ZNF600: variants seen among roughly 807,000 people sequenced by gnomAD.
ZNF600 encodes the protein zinc finger protein KR-ZNF1.
ZNF600 carries 4 observed loss-of-function variants against 7.3 expected under a neutral mutation model. The ratio of observed to expected loss-of-function variants is 0.55; its 90% CI spans 0.27 to 1.25. ZNF600 has a LOEUF of 1.25. Among genes scored for constraint, ZNF600 ranks in the 50% most tolerant of loss-of-function variants. The pLI is 0.12. For synonymous variants in ZNF600, 290 were observed against 308.9 expected, an observed-to-expected ratio of 0.94 and a Z score of 0.64; for missense variants, 911 against 922.1, an observed-to-expected ratio of 0.99 and a Z score of 0.16.
chr19:52,810,942 C>A, the ZNF600 span, among the ~76,000 whole-genome samples: 1 of 129,302 alleles, frequency 7.7e-6, no homozygotes, highest in African/African-American at 2.9e-5. Context: ...GATGCCGAGC[C>A]AAAGCTGGAC....
At chr19:52,830,843 C>T in the ZNF600 span, among the ~76,000 whole-genome samples, 1 of 145,042 alleles carries the variant, frequency 6.9e-6, no homozygotes, top group South Asian at 2.3e-4. Flanking sequence ...AAGTAATGGG[C>T]ATGTAGGAGT....
the ZNF600 span, among the ~76,000 whole-genome samples, chr19:52,816,834 A>AAATAATAATAAT: frequency 6.2e-3 from 860 of 138,410 alleles, 6 homozygotes; most frequent in African/African-American, 0.017. Flanking sequence ...CCGTTTCAGA[A>AAATAATAATAAT]AATAATAATA....
chr19:52,808,001 C>G, the ZNF600 span: 1 of 1,613,070 alleles, frequency 6.2e-7, no homozygotes, highest in Non-Finnish European at 8.5e-7. Context: ...AGGAGGTTAT[C>G]CTCACCCAGG....
rs558712012 is a variant in ZNF600 at position 52,784,299 on chromosome 19, G to C, written c.-20+2296C>G. 4.6e-5 allele frequency among the ~76,000 whole-genome samples: 7 copies of C among 152,308 alleles called. No homozygotes were observed. In the East Asian group the frequency reaches 9.6e-4, roughly 21 times the overall value. On this transcript the variant is annotated intron_variant, in intron 1 of 3. Coordinates refer to ENST00000648973, the Ensembl canonical transcript of ZNF600. ...CTCACACCTGTGGTCTCAGCTACTA[G>C]AGAGACTGAGGGAGGAGGATCGCTT...
At chr19:52,831,392 C>A in the ZNF600 span, among the ~76,000 whole-genome samples, 1 of 151,572 alleles carries the variant, frequency 6.6e-6, no homozygotes, top group East Asian at 1.9e-4. Flanking sequence ...TCACTGCAAC[C>A]CCTGCCACCC....
At chr19:52,773,640 ATGGG>A (rs1194740290) in intron 3 of ZNF600, among the ~76,000 whole-genome samples, 4 of 152,134 alleles carry the variant, frequency 2.6e-5, no homozygotes, top group South Asian at 2.1e-4. Flanking sequence ...AGGAGGATGG[ATGGG>A]TGGATCACAA....
At chr19:52,828,037 A>AT in the ZNF600 span, among the ~76,000 whole-genome samples, 19 of 151,964 alleles carry the variant, frequency 1.3e-4, no homozygotes, top group African/African-American at 4.1e-4. Flanking sequence ...GCACTTTGTG[A>AT]TTTTTTTTAA....
the ZNF600 span, among the ~76,000 whole-genome samples, chr19:52,815,537 AT>A: frequency 6.9e-6 from 1 of 144,990 alleles, no homozygotes; most frequent in African/African-American, 2.7e-5. Context: ...AATAAAAAAA[AT>A]AACTGTCTGG....
chr19:52,828,443 G>A, the ZNF600 span, among the ~76,000 whole-genome samples: 1 of 152,034 alleles, frequency 6.6e-6, no homozygotes, highest in Admixed American at 6.6e-5. Context: ...CTCCAGCCTG[G>A]GTAACAGGGA....
At chr19:52,830,721 C>T in the ZNF600 span, among the ~76,000 whole-genome samples, 1 of 151,618 alleles carries the variant, frequency 6.6e-6, no homozygotes, top group African/African-American at 2.4e-5. Context: ...GAGGGGCTCA[C>T]GGGGAAATTG....
intron 2 of ZNF600, among the ~76,000 whole-genome samples, chr19:52,776,044 C>T (rs1851189488): frequency 2.1e-5 from 3 of 142,544 alleles, no homozygotes; most frequent in Non-Finnish European, 3.0e-5. Context: ...GTTATGATGA[C>T]AGCAATAGCC....
chr19:52,765,132 C>G (rs1260544543), exon 4 of ZNF600: 1 of 407,140 alleles, frequency 2.5e-6, no homozygotes, highest in African/African-American at 2.1e-5. Context: ...ACTCTAGTGT[C>G]AATTAATGCT....
intron 1 of ZNF600, among the ~76,000 whole-genome samples, chr19:52,779,969 C>T (rs1274468451): frequency 7.9e-5 from 12 of 152,144 alleles, no homozygotes; most frequent in African/African-American, 2.6e-4. Flanking sequence ...TGAGCCAAGA[C>T]TGTGCCACTG....
chr19:52,790,459 T>C (rs1191675733), upstream of ZNF600, among the ~76,000 whole-genome samples: 1 of 152,120 alleles, frequency 6.6e-6, no homozygotes, highest in Non-Finnish European at 1.5e-5. Flanking sequence ...ATCGCATCAC[T>C]GCACTTCAGC....
chr19:52,771,124 C>T lies in ZNF600; in HGVS notation c.191-3352G>A, dbSNP rs138455365. Among the ~76,000 whole-genome samples the T allele has an allele frequency of 4.9e-4, 75 of 152,172 alleles. No individual in the cohort carries two copies. The East Asian group carries it at 0.014, about 28-fold the overall frequency. On this transcript the variant is annotated intron_variant, in intron 3 of 3. Coordinates refer to ENST00000648973, the Ensembl canonical transcript of ZNF600. Reference sequence around the variant, plus strand: ...CTGGGATTACAGGTGTAAGCCACCACGACTGGCCAGGACTACTGTTTTTAT... The same window carrying T: ...CTGGGATTACAGGTGTAAGCCACCATGACTGGCCAGGACTACTGTTTTTAT...
chr19:52,789,764 G>A (rs995483949), upstream of ZNF600, among the ~76,000 whole-genome samples: 7 of 152,054 alleles, frequency 4.6e-5, no homozygotes, highest in East Asian at 1.9e-4. Flanking sequence ...AAATACGGCC[G>A]TACACTTTAA....
chr19:52,807,748 A>G, the ZNF600 span: 2 of 573,194 alleles, frequency 3.5e-6, no homozygotes, highest in Non-Finnish European at 5.7e-6. Context: ...GTGCTGGGAT[A>G]ACAGGCGTGA....
chr19:52,765,662 C>G (rs1205009289), exon 4 of ZNF600: 1 of 1,613,900 alleles, frequency 6.2e-7, no homozygotes, highest in South Asian at 1.1e-5. Context: ...CTTTGCCACA[C>G]TCATTACACT....
the ZNF600 span, among the ~76,000 whole-genome samples, chr19:52,815,002 T>A: frequency 6.9e-6 from 1 of 145,942 alleles, no homozygotes; most frequent in Non-Finnish European, 1.5e-5. Flanking sequence ...TAGATGTTAA[T>A]AACAAAGTGG....
Sources: allele counts gnomAD v4.1 joint callset (sites outside exome capture counted in the v4.1 genomes callset), GRCh38; gene constraint gnomAD v4.1.1; transcripts MANE v1.5; gene names NCBI Gene and HGNC (gene_info 2026-07-23, HGNC 2026-07-21).